Variants in MSH3 observed in about 807,000 individuals in gnomAD.
The protein encoded by MSH3 is mutS homolog 3, also known as DNA mismatch repair protein Msh3.
A neutral mutation model predicts 123.3 loss-of-function variants in MSH3; 106 were observed. The ratio of observed to expected loss-of-function variants is 0.86; its 90% CI spans 0.73 to 1.01. The LOEUF is 1.01. Among genes scored for constraint, MSH3 ranks in the 50% least tolerant of loss-of-function variants. MSH3 has a pLI of 0.00. For missense variants in MSH3, 1,459 were observed against 1,347.6 expected, an observed-to-expected ratio of 1.08 and a Z score of -1.29; for synonymous variants, 515 against 481.4, an observed-to-expected ratio of 1.07 and a Z score of -0.91.
intron 22 of MSH3, among the ~76,000 whole-genome samples, chr5:80,867,262 C>T (rs1338445178): frequency 1.3e-5 from 2 of 152,240 alleles, no homozygotes; most frequent in Non-Finnish European, 2.9e-5. Context: ...CAGGCTCTGT[C>T]TTCCTGCCTG....
At chr5:80,823,935 A>G (rs959133317) in intron 20 of MSH3, among the ~76,000 whole-genome samples, 1 of 152,172 alleles carries the variant, frequency 6.6e-6, no homozygotes, top group Non-Finnish European at 1.5e-5. Flanking sequence ...CTGTTTAACA[A>G]AGCACATCTT....
At chr5:80,836,543 CAAAAAA>C (rs71603568) in intron 20 of MSH3, among the ~76,000 whole-genome samples, 70,284 of 119,142 alleles carry the variant, frequency 0.59, 19,302 homozygotes, top group East Asian at 0.74. Context: ...GAATATGCCA[CAAAAAA>C]AAAAAAAAAA....
intron 10 of MSH3, among the ~76,000 whole-genome samples, chr5:80,730,589 A>G (rs2112859451): frequency 6.6e-6 from 1 of 152,278 alleles, no homozygotes; most frequent in South Asian, 2.1e-4. Flanking sequence ...TTCTACTTTA[A>G]GCTCCAAAAA....
At chr5:80,734,134 T>G (rs1456597705) in intron 10 of MSH3, among the ~76,000 whole-genome samples, 2 of 152,194 alleles carry the variant, frequency 1.3e-5, no homozygotes, top group Admixed American at 1.3e-4. Context: ...AGGAATGAAG[T>G]ACAGATACAT....
At chr5:80,666,007 A>C (rs976341794) in intron 3 of MSH3, among the ~76,000 whole-genome samples, 1 of 152,008 alleles carries the variant, frequency 6.6e-6, no homozygotes, top group Non-Finnish European at 1.5e-5. Flanking sequence ...ATCTTATCTA[A>C]TTGGTTTTCA....
At position 80,854,313 on chromosome 5, in the gene MSH3, A is replaced by G. The variant is rs777803243; in HGVS notation, c.2997A>G (p.Arg999=). The change falls in exon 21 of 24, where the codon AGA becomes AGG. Residue 999 remains arginine (R), a synonymous_variant. Coordinates refer to ENST00000265081, the MANE Select transcript of MSH3 (RefSeq NM_002439.5). ...IAYATLEYFI[R]DVKSLTLFVT... ...ATGCTACACTTGAGTATTTCATCAG[A>G]GATGTAAGTATCCGGTAAACTGTAT... The G allele has an allele frequency of 6.2e-7, 1 of 1,612,608 alleles. No individual in the cohort carries two copies. Among genetic ancestry groups the G allele is most frequent in the Non-Finnish European group, 8.5e-7 (1 of 1,178,726 alleles).
At position 80,826,893 on chromosome 5, in the gene MSH3, T is replaced by C. The variant is rs1002566310; in HGVS notation, c.2813+13152T>C. On this transcript the variant is annotated intron_variant, in intron 20 of 23. Coordinates refer to ENST00000265081, the MANE Select transcript of MSH3 (RefSeq NM_002439.5). The stretch of plus-strand genomic sequence containing the variant: ...ATACTATAACCTCACATGAATCTTT[T>C]CCTGAATAAGAAGCAGATTTTTTTA... 9.9e-5 allele frequency among the ~76,000 whole-genome samples: 15 copies of C among 152,162 alleles called. No individual in the cohort carries two copies. The East Asian group carries it at 2.3e-3, about 23-fold the overall frequency.
intron 20 of MSH3, among the ~76,000 whole-genome samples, chr5:80,819,116 G>C (rs967262705): frequency 6.6e-6 from 1 of 151,886 alleles, no homozygotes; most frequent in Non-Finnish European, 1.5e-5. Context: ...CAGTAGAATG[G>C]AGTAGAAGAA....
At position 80,665,246 on chromosome 5, in the gene MSH3, A is replaced by ATC. The variant is rs745553087; in HGVS notation, c.466_467dup (p.Gln157CysfsTer77). The ATC allele has an allele frequency of 1.2e-6, 2 of 1,614,104 alleles. No homozygotes were observed. Among genetic ancestry groups the ATC allele is most frequent in the South Asian group, 2.2e-5 (2 of 91,080 alleles). ...TTCCTCAAAGTAGAGTCCAGACAGA[A>ATC]TCTCTGCAGGAGAGATTTGCAGTTC... On this transcript the variant is annotated frameshift_variant, in exon 3 of 24. Transcript: ENST00000265081. LOFTEE classifies it high-confidence loss of function.
At chr5:80,704,428 G>C (rs1319353477) in intron 8 of MSH3, among the ~76,000 whole-genome samples, 1 of 152,196 alleles carries the variant, frequency 6.6e-6, no homozygotes, top group East Asian at 1.9e-4. Context: ...TGCATTTCCT[G>C]GTTGGTGCTG....
intron 2 of MSH3, among the ~76,000 whole-genome samples, chr5:80,659,680 G>A (rs1304396022): frequency 6.6e-6 from 1 of 152,040 alleles, no homozygotes; most frequent in Non-Finnish European, 1.5e-5. Context: ...CAGCCCAGGG[G>A]TATTTAGTAC....
intron 3 of MSH3, among the ~76,000 whole-genome samples, chr5:80,668,598 C>T (rs952293653): frequency 2.0e-5 from 3 of 152,208 alleles, no homozygotes; most frequent in African/African-American, 7.2e-5. Flanking sequence ...TAGGCTTGGC[C>T]TTAACTTTGA....
At chr5:80,729,462 A>G (rs4624779) in intron 10 of MSH3, among the ~76,000 whole-genome samples, 37,274 of 83,780 alleles carry the variant, frequency 0.44, 6,395 homozygotes, top group African/African-American at 0.47. Context: ...GTGTGTGTGT[A>G]TATATATATA....
chr5:80,718,614 T>C (rs1231623474), intron 8 of MSH3, among the ~76,000 whole-genome samples: 1 of 151,540 alleles, frequency 6.6e-6, no homozygotes, highest in African/African-American at 2.4e-5. Context: ...TTTCTGTAAA[T>C]TGGTAGTTGA....
intron 20 of MSH3, among the ~76,000 whole-genome samples, chr5:80,847,289 A>T (rs1745741556): frequency 6.6e-6 from 1 of 150,702 alleles, no homozygotes; most frequent in African/African-American, 2.4e-5. Flanking sequence ...CAAACTCCTG[A>T]CCTCAAGTGA....
intron 19 of MSH3, among the ~76,000 whole-genome samples, chr5:80,802,445 G>T (rs538431020): frequency 1.3e-4 from 20 of 151,248 alleles, no homozygotes; most frequent in Non-Finnish European, 2.7e-4. Context: ...GGGGCACATA[G>T]TAGGTGTGTA....
chr5:80,876,296 G>T lies in MSH3; in HGVS notation c.*434G>T, dbSNP rs569517915. On this transcript the variant is annotated 3_prime_UTR_variant, in exon 24 of 24. Transcript: ENST00000265081. ...ACCAGTTTATCCACCAAGAACATAA[G>T]AATTTTTTATAAGTAGAAAGAATTG... is the stretch of plus-strand genomic sequence containing the variant. 8.2e-4 allele frequency: 175 copies of T among 213,172 alleles called. 1 individual carries two copies. The South Asian group carries it at 0.01, about 12-fold the overall frequency. The allele number at this position is 213,172 out of a possible 1,614,324, so 13.2% of individuals were successfully genotyped here.
chr5:80,730,894 A>ATTTTTTTTTTTTTTTTTTTT (rs59224150), intron 10 of MSH3, among the ~76,000 whole-genome samples: 2 of 127,780 alleles, frequency 1.6e-5, no homozygotes, highest in Admixed American at 8.4e-5. Context: ...ATATATATAT[A>ATTTTTTTTTTTTTTTTTTTT]TTTTTTTTTT....
intron 22 of MSH3, among the ~76,000 whole-genome samples, chr5:80,870,818 C>T (rs1746199790): frequency 6.6e-6 from 1 of 152,162 alleles, no homozygotes; most frequent in South Asian, 2.1e-4. Context: ...ACACATCTAT[C>T]AAATGAAATA....
Sources: allele counts gnomAD v4.1 joint callset (sites outside exome capture counted in the v4.1 genomes callset), GRCh38; gene constraint gnomAD v4.1.1; transcripts MANE v1.5; gene names NCBI Gene and HGNC (gene_info 2026-07-23, HGNC 2026-07-21).